The following RUBCN variants were observed in gnomAD, a reference collection of about 807,000 sequenced individuals.
RUBCN encodes the protein run domain Beclin-1-interacting and cysteine-rich domain-containing protein.
RUBCN carries 74 observed loss-of-function variants against 113.2 expected under a neutral mutation model. The ratio of observed to expected loss-of-function variants is 0.65; its 90% CI spans 0.54 to 0.79. The LOEUF (loss-of-function observed/expected upper bound fraction) is 0.79, where lower values mean the gene tolerates loss of function less well. Ranked by LOEUF, RUBCN falls within the 30% of genes least tolerant of loss-of-function variation. The probability of loss-of-function intolerance (pLI) is 0.00; values close to 1 mark genes in which losing one functional copy is unlikely to be tolerated. For missense variants in RUBCN, 1,109 were observed against 1,251.7 expected (o/e 0.89, Z 1.72); for synonymous variants, 480 against 490.0 (o/e 0.98, Z 0.27).
At chr3:197,735,280 C>A (rs1290011648) in intron 1 of RUBCN, among the ~76,000 whole-genome samples, 1 of 152,206 alleles carries the variant, frequency 6.6e-6, no homozygotes, top group African/African-American at 2.4e-5. Context: ...GCACCTATAT[C>A]CCCAGCTACT....
Position 197,693,785 on chromosome 3 carries a change from G to T in RUBCN, c.1716C>A (p.Phe572Leu). ...AGAGCTGTGCCGAATCACGTGAGCTGAACTGGGAGCTGCTGGAGGTGACCC... is the reference window on the plus strand; with the variant it reads ...AGAGCTGTGCCGAATCACGTGAGCTTAACTGGGAGCTGCTGGAGGTGACCC... ...SFRVTSSSSQ[F>L]SSRDSAQLSD... The change falls in exon 11 of 20, where the codon TTC becomes TTA. Residue 572 changes from phenylalanine (F) to leucine (L), a missense_variant. Transcript: ENST00000296343. The T allele has an allele frequency of 6.2e-7, 1 of 1,614,122 alleles. No homozygotes were observed. The highest frequency in any genetic ancestry group is 8.5e-7 in the Non-Finnish European group (1 of 1,179,958).
intron 1 of RUBCN, among the ~76,000 whole-genome samples, chr3:197,723,311 T>C (rs1467463051): frequency 2.4e-4 from 37 of 152,006 alleles, no homozygotes; most frequent in Non-Finnish European, 4.7e-4. Context: ...TCCTGAGTAG[T>C]TGGAATTAGA....
chr3:197,670,575 C>A lies in RUBCN; in HGVS notation c.*4443G>T, dbSNP rs994751424. Among the ~76,000 whole-genome samples the A allele has an allele frequency of 3.1e-4, 47 of 152,278 alleles. No homozygotes were observed. The highest frequency in any genetic ancestry group is 6.6e-4 in the Non-Finnish European group (45 of 68,020). ...CAGTTTGTAACAATGAACAAAAGGG[C>A]CTTAGAACAAAGTGAAGGTTTTGTA... is the stretch of plus-strand genomic sequence containing the variant. On this transcript the variant is annotated 3_prime_UTR_variant, in exon 20 of 20. Transcript: ENST00000296343.
At chr3:197,682,765 C>A (rs1460547952) in intron 13 of RUBCN, 150 bp from the exon 14 acceptor site, 2 of 1,011,878 alleles carry the variant, frequency 2.0e-6, no homozygotes, top group Non-Finnish European at 3.0e-6. Context: ...ATGCGGGACC[C>A]TTTTGGCCAT....
chr3:197,741,797 A>T (rs1229074428), upstream of RUBCN, among the ~76,000 whole-genome samples: 1 of 151,286 alleles, frequency 6.6e-6, no homozygotes, highest in East Asian at 2.0e-4. Context: ...CACTCCAGAG[A>T]TTGCACCACT....
chr3:197,705,014 A>G (rs968791381), intron 3 of RUBCN, 78 bp downstream of exon 3: 20 of 1,126,258 alleles, frequency 1.8e-5, no homozygotes, highest in Non-Finnish European at 2.4e-5. Flanking sequence ...CTTGGAGCCT[A>G]GAAGATTCTT....
In RUBCN at chr3:197,675,212, A is replaced by C. The variant is rs781347755; in HGVS notation, c.2741-16T>G. On this transcript the variant is annotated splice_polypyrimidine_tract_variant and intron_variant, in intron 19 of 19. Coordinates refer to ENST00000296343, the MANE Select transcript of RUBCN (RefSeq NM_014687.4). The surrounding 1 kb of genome is among the most constrained non-coding windows in gnomAD (Gnocchi z 4.4). ...GCTTTACACTCTACTCAGGTTGGGA[A>C]GGTGGGGGAGAGAAGAAAACAATTT... The C allele has an allele frequency of 2.0e-5, 32 of 1,613,822 alleles. No individual in the cohort carries two copies. Among genetic ancestry groups the C allele is most frequent in the Non-Finnish European group, 2.6e-5 (31 of 1,179,926 alleles).
intron 2 of RUBCN, among the ~76,000 whole-genome samples, chr3:197,707,855 T>C (rs982293978): frequency 6.6e-6 from 1 of 151,948 alleles, no homozygotes; most frequent in African/African-American, 2.4e-5. Context: ...TCCCAGCTAC[T>C]CGGGAGGCTG....
intron 11 of RUBCN, among the ~76,000 whole-genome samples, chr3:197,691,957 A>G (rs148471399): frequency 5.1e-4 from 78 of 152,174 alleles, no homozygotes; most frequent in African/African-American, 1.8e-3. Context: ...CATTCAAGAA[A>G]TTATTCAAAA....
chr3:197,676,950 C>A lies in RUBCN; in HGVS notation c.2581G>T (p.Gly861Trp). ...TCAGCAAGCCGGGGCCCCAGCTCCCCCTTCCTGGTCGCAGTCAGGTCATTC... is the reference window on the plus strand; with the variant it reads ...TCAGCAAGCCGGGGCCCCAGCTCCCACTTCCTGGTCGCAGTCAGGTCATTC... The part of the protein sequence containing the change: ...SLNDLTATRK[G>W]ELGPRLAELT... The change falls in exon 18 of 20, where the codon GGG (glycine) becomes TGG (tryptophan). Residue 861 changes from glycine to tryptophan, a missense_variant. By Grantham distance (184) the Gly-to-Trp change is radical. This residue lies in a region of RUBCN where 306 missense variants were observed against 348.9 expected (regional missense o/e 0.88). Transcript: ENST00000296343. 1 of 1,614,244 alleles carries A rather than the reference C, an allele frequency of 6.2e-7. No homozygotes were observed. Among genetic ancestry groups the A allele is most frequent in the South Asian group, 1.1e-5 (1 of 91,090 alleles).
chr3:197,725,024 T>TA (rs1217922059), intron 1 of RUBCN, among the ~76,000 whole-genome samples: 5 of 151,890 alleles, frequency 3.3e-5, no homozygotes, highest in African/African-American at 4.8e-5. Flanking sequence ...ACAAAAAAAC[T>TA]AAAAAAATCC....
intron 8 of RUBCN, among the ~76,000 whole-genome samples, 175 bp from the exon 9 acceptor site, chr3:197,696,156 A>C (rs1307981832): frequency 2.0e-5 from 3 of 152,104 alleles, no homozygotes; most frequent in Non-Finnish European, 4.4e-5. Flanking sequence ...GGCGGATCAC[A>C]AGGTCAGGAG....
Position 197,674,818 on chromosome 3 carries a change from C to T in RUBCN, c.*200G>A. 1 of 549,652 alleles carries T rather than the reference C, an allele frequency of 1.8e-6. No individual in the cohort carries two copies. The highest frequency in any genetic ancestry group is 3.2e-6 in the Non-Finnish European group (1 of 316,346). 34.0% of individuals were successfully genotyped at this position (549,652 alleles called of 1,614,324 possible). On this transcript the variant is annotated 3_prime_UTR_variant, in exon 20 of 20. Transcript: ENST00000296343. ...CTGGTGTTTACAAATTATCTGTCAC[C>T]ACAGACTCTGGACCCATCAACCTGC... is the stretch of plus-strand genomic sequence containing the variant.
rs575923601 is a variant in RUBCN at position 197,731,217 on chromosome 3, A to G, written c.65+5438T>C. ...GACTCTTAAGGAGCATGCTGCCTTC[A>G]AGCATCTGTTTAACAAAGCACATCT... On this transcript the variant is annotated intron_variant, in intron 1 of 19. Coordinates refer to ENST00000296343, the MANE Select transcript of RUBCN (RefSeq NM_014687.4). Among the ~76,000 whole-genome samples the G allele has an allele frequency of 4.6e-5, 7 of 152,224 alleles. No individual in the cohort carries two copies. The South Asian group carries it at 8.3e-4, about 18-fold the overall frequency.
chr3:197,708,239 G>A (rs780383377), intron 2 of RUBCN, among the ~76,000 whole-genome samples: 2 of 151,732 alleles, frequency 1.3e-5, no homozygotes, highest in African/African-American at 2.4e-5. Context: ...AGGTTCAAGC[G>A]ATTCTCCTGC....
intron 7 of RUBCN, among the ~76,000 whole-genome samples, chr3:197,698,974 C>T (rs949743432): frequency 6.6e-5 from 10 of 152,098 alleles, no homozygotes; most frequent in African/African-American, 9.7e-5. Context: ...ACTCTGCCTC[C>T]CAGAAGCTGT....
chr3:197,690,155 C>G (rs1416386945), intron 11 of RUBCN, among the ~76,000 whole-genome samples: 6 of 152,172 alleles, frequency 3.9e-5, no homozygotes. Flanking sequence ...ATAAAAAGTT[C>G]TGGGCCTGGC....
intron 1 of RUBCN, among the ~76,000 whole-genome samples, chr3:197,733,405 C>G (rs113045173): frequency 2.6e-5 from 4 of 152,140 alleles, no homozygotes; most frequent in African/African-American, 9.6e-5. Context: ...TCACCTGAGC[C>G]CAGGAGTTTG....
chr3:197,748,749 A>G (rs534086830), intron 1 of RUBCN, among the ~76,000 whole-genome samples: 1 of 152,350 alleles, frequency 6.6e-6, no homozygotes, highest in East Asian at 1.9e-4. Flanking sequence ...AGCTGGCTTT[A>G]ATTTTTAAGT....
Sources: gnomAD v4.1 joint callset for allele counts (sites outside exome capture counted in the v4.1 genomes callset) on GRCh38, gnomAD v4.1.1 for gene constraint, gnomAD v4.1.1 regional missense constraint, Gnocchi (gnomAD v3.1) non-coding constraint, MANE v1.5 for transcripts, NCBI Gene and HGNC (gene_info 2026-07-23, HGNC 2026-07-21) for gene names.